SPACA7: variants seen among roughly 807,000 people sequenced by gnomAD.
SPACA7 encodes the protein sperm acrosome-associated protein 7.
In SPACA7, 19 loss-of-function variants were observed where a neutral mutation model predicts 26.3. The ratio of observed to expected loss-of-function variants is 0.72; its 90% CI spans 0.50 to 1.06. SPACA7 has a LOEUF of 1.06. Among genes scored for constraint, SPACA7 ranks in the 50% least tolerant of loss-of-function variants. The pLI is 0.00. For missense variants in SPACA7, 211 were observed against 229.9 expected (o/e 0.92, Z 0.53); for synonymous variants, 84 against 84.5 (o/e 0.99, Z 0.04).
At chr13:112,427,527 C>A (rs536803211) in intron 5 of SPACA7, among the ~76,000 whole-genome samples, 1 of 152,164 alleles carries the variant, frequency 6.6e-6, no homozygotes, top group Non-Finnish European at 1.5e-5. Flanking sequence ...ATGCTTTTCT[C>A]TAGCTTTGGT....
chr13:112,406,384 A>G (rs1885987824), intron 5 of SPACA7, among the ~76,000 whole-genome samples: 1 of 152,212 alleles, frequency 6.6e-6, no homozygotes, highest in African/African-American at 2.4e-5. Flanking sequence ...CACTTAGCAT[A>G]ATGTCTTCAA....
intron 6 of SPACA7, among the ~76,000 whole-genome samples, chr13:112,433,858 T>C: frequency 6.6e-6 from 1 of 151,174 alleles, no homozygotes; most frequent in East Asian, 2.0e-4. Context: ...TCCCAGATTG[T>C]GCCACTGTCC....
At chr13:112,388,888 T>C (rs907609106) in intron 1 of SPACA7, among the ~76,000 whole-genome samples, 1 of 152,034 alleles carries the variant, frequency 6.6e-6, no homozygotes, top group Admixed American at 6.5e-5. Context: ...AGCTGTCTTT[T>C]TGCACTAAGT....
chr13:112,405,796 A>G (rs752227537), intron 5 of SPACA7, among the ~76,000 whole-genome samples: 36 of 151,890 alleles, frequency 2.4e-4, no homozygotes, highest in Non-Finnish European at 4.7e-4. Flanking sequence ...GTCTCCTTGC[A>G]TTTTCTGTAG....
intron 5 of SPACA7, among the ~76,000 whole-genome samples, chr13:112,413,791 T>C (rs928345889): frequency 3.9e-5 from 6 of 152,242 alleles, no homozygotes; most frequent in African/African-American, 1.4e-4. Flanking sequence ...TATTTTTAAA[T>C]GGCCTAAGTA....
intron 2 of SPACA7, among the ~76,000 whole-genome samples, chr13:112,396,623 CT>C (rs200946830): frequency 1.2e-4 from 19 of 152,198 alleles, no homozygotes; most frequent in Non-Finnish European, 2.4e-4. Context: ...TCCAAGACCC[CT>C]ATCTCACTGG....
intron 2 of SPACA7, among the ~76,000 whole-genome samples, chr13:112,394,721 C>T (rs535754341): frequency 1.1e-4 from 16 of 152,340 alleles, no homozygotes; most frequent in Admixed American, 6.5e-4. Flanking sequence ...ACTGGACTCA[C>T]TTTCCTAGTG....
intron 5 of SPACA7, among the ~76,000 whole-genome samples, chr13:112,413,453 A>C (rs1437613550): frequency 1.3e-5 from 2 of 151,700 alleles, no homozygotes; most frequent in Admixed American, 1.3e-4. Flanking sequence ...CTGCTGCCAG[A>C]TGTATCAGAG....
At chr13:112,429,572 C>T (rs778029620) in intron 5 of SPACA7, among the ~76,000 whole-genome samples, 2 of 152,070 alleles carry the variant, frequency 1.3e-5, no homozygotes, top group Non-Finnish European at 2.9e-5. Flanking sequence ...GTATGGTTGG[C>T]TCTTGCTTTT....
chr13:112,391,422 G>A (rs747512028), intron 1 of SPACA7, among the ~76,000 whole-genome samples: 6 of 152,298 alleles, frequency 3.9e-5, no homozygotes, highest in Admixed American at 2.0e-4. Flanking sequence ...AGCAGTTAAC[G>A]TGGTCCTAGT....
At chr13:112,420,499 T>C (rs1875840368) in intron 5 of SPACA7, among the ~76,000 whole-genome samples, 2 of 149,878 alleles carry the variant, frequency 1.3e-5, no homozygotes, top group Admixed American at 1.3e-4. Context: ...ATCTTGAAAA[T>C]AGGTCAATAG....
chr13:112,434,594 A>C lies in SPACA7; in HGVS notation c.*45A>C. 1 of 1,480,114 alleles carries C rather than the reference A, an allele frequency of 6.8e-7. No individual in the cohort carries two copies. The highest frequency in any genetic ancestry group is 9.3e-7 in the Non-Finnish European group (1 of 1,079,484). 91.7% of individuals were successfully genotyped at this position (1,480,114 alleles called of 1,614,324 possible). The stretch of plus-strand genomic sequence containing the variant: ...CTGCGCAGGAGAGGAGCCTGCTAGA[A>C]CCCCCACCCACCAGCCTCCGGAACA... On this transcript the variant is annotated 3_prime_UTR_variant, in exon 7 of 7. Transcript: ENST00000283550.
At chr13:112,429,096 T>C (rs1876815833) in intron 5 of SPACA7, among the ~76,000 whole-genome samples, 2 of 152,246 alleles carry the variant, frequency 1.3e-5, no homozygotes, top group Admixed American at 1.3e-4. Context: ...ACAAGACTCT[T>C]GGCCAGGTGC....
In SPACA7 at chr13:112,430,164, ATCTCTC is replaced by A. The variant is rs143626008; in HGVS notation, c.446-2274_446-2269del. ...GCTGAAGGCTCAAGGCATCCCTTGCATCTCTCTCTCTGTGTGTGTGTGTGTGTGTGT... is the reference window on the plus strand; with the variant it reads ...GCTGAAGGCTCAAGGCATCCCTTGCATCTCTGTGTGTGTGTGTGTGTGTGT... On this transcript the variant is annotated intron_variant, in intron 5 of 6. Coordinates refer to ENST00000283550, the MANE Select transcript of SPACA7 (RefSeq NM_145248.5). 1.7e-3 allele frequency among the ~76,000 whole-genome samples: 239 copies of A among 138,126 alleles called. 2 individuals are homozygous for A. The highest frequency in any genetic ancestry group is 7.5e-3 in the Middle Eastern group (2 of 268). 90.6% of individuals were successfully genotyped at this position (138,126 alleles called of 152,430 possible).
chr13:112,396,453 T>C (rs193272373), intron 2 of SPACA7, among the ~76,000 whole-genome samples: 54 of 152,288 alleles, frequency 3.5e-4, no homozygotes, highest in African/African-American at 1.1e-3. Context: ...CTGTGCCTGG[T>C]CACGGCTGTA....
intron 5 of SPACA7, among the ~76,000 whole-genome samples, chr13:112,425,182 G>T (rs533577311): frequency 6.6e-6 from 1 of 152,190 alleles, no homozygotes; most frequent in Non-Finnish European, 1.5e-5. Context: ...CCAAGGGTGC[G>T]CACAGGCTCC....
At chr13:112,432,373 T>G in intron 5 of SPACA7, 71 bp from the exon 6 acceptor site, 2 of 1,311,902 alleles carry the variant, frequency 1.5e-6, no homozygotes, top group Non-Finnish European at 2.2e-6. Context: ...TCCCTGAAGT[T>G]AAAGGAAAAG....
At chr13:112,408,578 GACAA>G (rs1320612144) in intron 5 of SPACA7, among the ~76,000 whole-genome samples, 4 of 93,366 alleles carry the variant, frequency 4.3e-5, no homozygotes, top group East Asian at 9.1e-4. Context: ...ACCAATAACA[GACAA>G]ACAGAGAGCC....
At chr13:112,428,422 A>C (rs1309224945) in intron 5 of SPACA7, among the ~76,000 whole-genome samples, 2 of 152,150 alleles carry the variant, frequency 1.3e-5, no homozygotes, top group African/African-American at 2.4e-5. Flanking sequence ...TCTTCTAAAA[A>C]TACAAAAATT....
Sources: gnomAD v4.1 joint callset for allele counts (sites outside exome capture counted in the v4.1 genomes callset) on GRCh38, gnomAD v4.1.1 for gene constraint, MANE v1.5 for transcripts, NCBI Gene and HGNC (gene_info 2026-07-23, HGNC 2026-07-21) for gene names.